Variants in TSPAN33 observed in about 807,000 individuals in gnomAD.
TSPAN33 encodes the protein tetraspanin 33, also known as tetraspanin-33.
A neutral mutation model predicts 34.8 loss-of-function variants in TSPAN33; 27 were observed. The observed-to-expected ratio is 0.78, with a 90% CI of 0.57 to 1.07. The LOEUF is 1.07. Ranked by LOEUF, TSPAN33 falls within the 50% of genes least tolerant of loss-of-function variation. The pLI is 0.00. For missense variants in TSPAN33, 272 were observed against 324.9 expected, an observed-to-expected ratio of 0.84 and a Z score of 1.25; for synonymous variants, 119 against 124.2, an observed-to-expected ratio of 0.96 and a Z score of 0.28.
Position 129,167,012 on chromosome 7 carries a change from T to G in TSPAN33, c.588+106T>G. 7.3e-7 allele frequency: 1 copy of G among 1,361,354 alleles called. No individual in the cohort carries two copies. The allele number at this position is 1,361,354 out of a possible 1,614,324, so 84.3% of individuals were successfully genotyped here. ...CCCATCCCCTAGCTTCACCGATCAG[T>G]CATGTGGGACAGCTGTCAGGTGTTT... is the stretch of plus-strand genomic sequence containing the variant. On this transcript the variant is annotated intron_variant, in intron 6 of 7. Transcript: ENST00000486685. This position sits in a 1 kb window ranked among gnomAD's most constrained non-coding sequence, Gnocchi z 4.6.
chr7:129,157,378 A>C (rs1810677240), intron 1 of TSPAN33, among the ~76,000 whole-genome samples: 1 of 152,070 alleles, frequency 6.6e-6, no homozygotes, highest in South Asian at 2.1e-4. Flanking sequence ...AAGTGGGGGC[A>C]GGAATGGGGG....
intron 1 of TSPAN33, among the ~76,000 whole-genome samples, chr7:129,151,201 A>C (rs2150621578): frequency 6.6e-6 from 1 of 152,252 alleles, no homozygotes; most frequent in East Asian, 1.9e-4. Context: ...ATCACAGCTC[A>C]CTGCAGCCTC....
chr7:129,162,696 T>C, intron 3 of TSPAN33, 137 bp from the exon 4 acceptor site: 1 of 1,385,526 alleles, frequency 7.2e-7, no homozygotes. Flanking sequence ...CCCAAGACAG[T>C]GTCCCAGAGG....
rs1793169483 is a variant in TSPAN33, at chr7:129,167,927, C to T, written c.*53C>T. 1.9e-6 allele frequency: 3 copies of T among 1,597,458 alleles called. No individual in the cohort carries two copies. Among genetic ancestry groups the T allele is most frequent in the Non-Finnish European group, 2.6e-6 (3 of 1,172,512 alleles). Reference sequence around the variant, plus strand: ...GAAACTGGCAAGCCTCATAAACGAACAGCAGTGGGTGCTGAAAGCAGCACC... The same window carrying T: ...GAAACTGGCAAGCCTCATAAACGAATAGCAGTGGGTGCTGAAAGCAGCACC... On this transcript the variant is annotated 3_prime_UTR_variant, in exon 8 of 8. Coordinates refer to ENST00000486685, the MANE Select transcript of TSPAN33 (RefSeq NM_178562.5). This position sits in a 1 kb window ranked among gnomAD's most constrained non-coding sequence, Gnocchi z 4.6.
chr7:129,166,292 C>T (rs1793138569), intron 5 of TSPAN33: 1 of 152,498 alleles, frequency 6.6e-6, no homozygotes, highest in Non-Finnish European at 1.5e-5. Flanking sequence ...CTGAGTTCCC[C>T]TTCCTCTGGT....
At position 129,148,891 on chromosome 7, in the gene TSPAN33, A is replaced by G. The variant is rs550521087; in HGVS notation, c.102+3809A>G. 1.8e-4 allele frequency among the ~76,000 whole-genome samples: 28 copies of G among 152,284 alleles called. No individual in the cohort carries two copies. The highest frequency in any genetic ancestry group is 4.1e-4 in the South Asian group (2 of 4,832). On this transcript the variant is annotated intron_variant, in intron 1 of 7. Coordinates refer to ENST00000486685, the MANE Select transcript of TSPAN33 (RefSeq NM_178562.5). This position sits in a 1 kb window ranked among gnomAD's most constrained non-coding sequence, Gnocchi z 4.2. ...ACTCAGAATCACCCAGGCCACTCTC[A>G]GCACCATTTCTTTTCGTCTGGCTCA... is the stretch of plus-strand genomic sequence containing the variant.
Position 129,151,286 on chromosome 7 carries a change from C to T in TSPAN33, c.102+6204C>T, listed in dbSNP as rs1195072735. Among the ~76,000 whole-genome samples, 14 of 151,904 alleles carry T rather than the reference C, an allele frequency of 9.2e-5. No homozygotes were observed. In the East Asian group the frequency reaches 2.7e-3, roughly 29 times the overall value. On this transcript the variant is annotated intron_variant, in intron 1 of 7. Coordinates refer to ENST00000486685, the MANE Select transcript of TSPAN33 (RefSeq NM_178562.5). ...GGACTACAGGCATGCATCACCATGC[C>T]CAGCTAATTTTTTTTTAGAGACTGG...
Position 129,168,635 on chromosome 7 carries a change from C to G in TSPAN33, c.*761C>G, listed in dbSNP as rs762133402. On this transcript the variant is annotated 3_prime_UTR_variant, in exon 8 of 8. Transcript: ENST00000486685. ...AGAAGTGGGACTGAGCCATACATGC[C>G]CTTGAATTCCTCCCTGTCTGGCCCT... The G allele has an allele frequency of 7.9e-5, 12 of 152,754 alleles. No homozygotes were observed. Among genetic ancestry groups the G allele is most frequent in the Non-Finnish European group, 1.6e-4 (11 of 68,174 alleles). The allele number at this position is 152,754 out of a possible 1,614,324, so 9.5% of individuals were successfully genotyped here.
chr7:129,161,788 C>T (rs1320879909), intron 2 of TSPAN33, 52 bp downstream of exon 2: 2 of 1,608,764 alleles, frequency 1.2e-6, no homozygotes, highest in East Asian at 2.2e-5. Context: ...GCCCCTTTCC[C>T]CTCTGCCTCC....
Position 129,167,561 on chromosome 7 carries a change from G to A in TSPAN33, c.750+1G>A. ...GGCTCTAGGCCTGGCCATCCCCCAG[G>A]TAACTTACCCTGTGAGACTTGTTGG... On this transcript the variant is annotated splice_donor_variant, in intron 7 of 7. Coordinates refer to ENST00000486685, the MANE Select transcript of TSPAN33 (RefSeq NM_178562.5). LOFTEE classifies it high-confidence loss of function. The surrounding 1 kb of genome is among the most constrained non-coding windows in gnomAD (Gnocchi z 4.6). The A allele has an allele frequency of 1.9e-6, 3 of 1,613,462 alleles. No individual in the cohort carries two copies. The highest frequency in any genetic ancestry group is 2.5e-6 in the Non-Finnish European group (3 of 1,179,550).
At chr7:129,159,371 T>C (rs1281971506) in intron 1 of TSPAN33, among the ~76,000 whole-genome samples, 1 of 152,224 alleles carries the variant, frequency 6.6e-6, no homozygotes. Flanking sequence ...CACATTTTCT[T>C]TTTCCCGTAC....
At chr7:129,154,948 C>T (rs1451138391) in intron 1 of TSPAN33, among the ~76,000 whole-genome samples, 1 of 152,154 alleles carries the variant, frequency 6.6e-6, no homozygotes, top group Non-Finnish European at 1.5e-5. Flanking sequence ...ATTGAAGAGA[C>T]ATCTGCACTC....
chr7:129,162,687 C>T (rs1358346364), intron 3 of TSPAN33, 146 bp from the exon 4 acceptor site: 4 of 1,398,322 alleles, frequency 2.9e-6, no homozygotes, highest in African/African-American at 1.4e-5. Context: ...GTGGCCACCC[C>T]CAAGACAGTG....
At chr7:129,163,640 G>T (rs1033108609) in intron 4 of TSPAN33, among the ~76,000 whole-genome samples, 1 of 152,200 alleles carries the variant, frequency 6.6e-6, no homozygotes, top group African/African-American at 2.4e-5. Flanking sequence ...GAGAAAAGTA[G>T]TGGGGCAGGA....
rs769543655 is a variant in TSPAN33 at position 129,162,484 on chromosome 7, T to C, written c.251T>C (p.Ile84Thr). ...TTCCTGCTCACCTTCTGTGGCTGCA[T>C]TGGGTCCCTCCGCGAGAACATCTGC... is the stretch of plus-strand genomic sequence containing the variant. ...LMFLLTFCGC[I>T]GSLRENICLL... Residue 84 changes from isoleucine (I) to threonine (T), a missense_variant, in exon 3 of 8, where the codon ATT becomes ACT. Transcript: ENST00000486685. 47 of 1,613,896 alleles carry C rather than the reference T, an allele frequency of 2.9e-5. No individual in the cohort carries two copies. Among genetic ancestry groups the C allele is most frequent in the Middle Eastern group, 3.3e-4 (2 of 6,062 alleles).
intron 1 of TSPAN33, among the ~76,000 whole-genome samples, chr7:129,149,283 C>T (rs1445051896): frequency 2.6e-5 from 4 of 152,208 alleles, no homozygotes; most frequent in African/African-American, 7.2e-5. Flanking sequence ...GAAGGCTGGG[C>T]GCGGTGGCTC....
chr7:129,153,357 A>T (rs1328142260), intron 1 of TSPAN33, among the ~76,000 whole-genome samples: 1 of 152,214 alleles, frequency 6.6e-6, no homozygotes, highest in African/African-American at 2.4e-5. Context: ...ACTAAAGGCC[A>T]CTGAACTGTT....
Position 129,144,745 on chromosome 7 carries a change from G to A in TSPAN33, c.-236G>A, listed in dbSNP as rs1256101179. 1.8e-5 allele frequency: 2 copies of A among 108,388 alleles called. 1 individual carries two copies. Among genetic ancestry groups the A allele is most frequent in the Middle Eastern group, 0.011 (2 of 184 alleles). 6.7% of individuals were successfully genotyped at this position (108,388 alleles called of 1,614,324 possible). On this transcript the variant is annotated 5_prime_UTR_variant, in exon 1 of 8. Coordinates refer to ENST00000486685, the MANE Select transcript of TSPAN33 (RefSeq NM_178562.5). The stretch of plus-strand genomic sequence containing the variant: ...TGGCCGGGCTGGTCCTGCGGCCGCG[G>A]GTGAGTCTCGTCCGCTCGCGCTGCC...
intron 5 of TSPAN33, chr7:129,166,562 T>C (rs1793143492): frequency 7.6e-6 from 4 of 527,470 alleles, no homozygotes; most frequent in Non-Finnish European, 1.0e-5. Flanking sequence ...TGGTAAGTTA[T>C]AACAAGATAT....
Sources: allele counts gnomAD v4.1 joint callset (sites outside exome capture counted in the v4.1 genomes callset), GRCh38; gene constraint gnomAD v4.1.1; non-coding constraint Gnocchi (gnomAD v3.1); transcripts MANE v1.5; gene names NCBI Gene and HGNC (gene_info 2026-07-23, HGNC 2026-07-21).